The following GLI2 variants were observed in gnomAD, a reference collection of about 807,000 sequenced individuals.
The protein encoded by GLI2 is transcription activator GLI2.
GLI2 carries 22 observed loss-of-function variants against 78.9 expected under a neutral mutation model. The ratio of observed to expected loss-of-function variants is 0.28; its 90% confidence interval spans 0.20 to 0.40. GLI2 has a LOEUF of 0.40. Ranked by LOEUF, GLI2 falls within the 10% of genes least tolerant of loss-of-function variation. The probability of loss-of-function intolerance (pLI) is 1.00; values close to 1 mark genes in which losing one functional copy is unlikely to be tolerated. For missense variants in GLI2, 2,097 were observed against 2,213.2 expected, an observed-to-expected ratio of 0.95 and a Z score of 1.05; for synonymous variants, 974 against 963.7, an observed-to-expected ratio of 1.01 and a Z score of -0.20.
At chr2:120,818,022 G>A (rs1685582986) in intron 2 of GLI2, among the ~76,000 whole-genome samples, 2 of 152,194 alleles carry the variant, frequency 1.3e-5, no homozygotes, top group African/African-American at 4.8e-5. Context: ...ATGGGATCCT[G>A]TTTCTAAACC....
Position 120,778,503 on chromosome 2 carries a change from C to G in GLI2, c.-30-18788C>G, listed in dbSNP as rs184069364. 6.3e-4 allele frequency among the ~76,000 whole-genome samples: 96 copies of G among 152,242 alleles called. No individual in the cohort carries two copies. In the East Asian group the frequency reaches 0.015, roughly 25 times the overall value. ...GGTGATGTGGCGCAGGACTGTGTGG[C>G]GGGGCGTGTGAACGGTGAGGGCAGG... On this transcript the variant is annotated intron_variant, in intron 1 of 13. Transcript: ENST00000361492.
intron 6 of GLI2, 21 bp from the exon 7 acceptor site, chr2:120,970,372 C>T (rs1265384774): frequency 1.4e-6 from 2 of 1,468,840 alleles, no homozygotes; most frequent in South Asian, 2.3e-5. Flanking sequence ...CCCCCACTTC[C>T]TTGTCTGCTC....
chr2:120,747,665 A>G (rs1285380251), intron 1 of GLI2, among the ~76,000 whole-genome samples: 2 of 152,230 alleles, frequency 1.3e-5, no homozygotes, highest in Non-Finnish European at 2.9e-5. Flanking sequence ...GCAGCCCATG[A>G]CAAAGAATTT....
chr2:120,824,322 C>T (rs1558817410), intron 2 of GLI2, among the ~76,000 whole-genome samples: 1 of 152,222 alleles, frequency 6.6e-6, no homozygotes, highest in East Asian at 1.9e-4. Context: ...TTGACTGTTA[C>T]GAGTTTGCCC....
intron 3 of GLI2, among the ~76,000 whole-genome samples, chr2:120,944,520 C>G (rs1200726922): frequency 2.0e-5 from 3 of 152,228 alleles, no homozygotes; most frequent in African/African-American, 7.2e-5. Flanking sequence ...GTGGCCCCCT[C>G]AGTCTGCACT....
chr2:120,928,726 C>A lies in GLI2; in HGVS notation c.254+1260C>A, dbSNP rs573522433. On this transcript the variant is annotated intron_variant, in intron 3 of 13. Transcript: ENST00000361492. ...ATTGCCTCCCCAAGACGGAGCAAAC[C>A]TGGGACTTCTACTTTCTTTTTAAAA... Among the ~76,000 whole-genome samples the A allele has an allele frequency of 2.6e-5, 4 of 152,358 alleles. No homozygotes were observed. The South Asian group carries it at 8.3e-4, about 32-fold the overall frequency.
chr2:120,870,188 C>G (rs1325633363), intron 2 of GLI2, among the ~76,000 whole-genome samples: 11 of 152,160 alleles, frequency 7.2e-5, no homozygotes, highest in Admixed American at 6.5e-4. Context: ...CAGAACTTTT[C>G]TTTCCTCCTG....
chr2:120,848,298 G>A (rs1687222046), intron 2 of GLI2, among the ~76,000 whole-genome samples: 1 of 152,160 alleles, frequency 6.6e-6, no homozygotes. Flanking sequence ...CTAGAACGTG[G>A]GGCTCCTCCA....
chr2:120,889,095 A>G (rs1184479887), intron 2 of GLI2, among the ~76,000 whole-genome samples: 1 of 152,172 alleles, frequency 6.6e-6, no homozygotes, highest in Non-Finnish European at 1.5e-5. Context: ...AACAGAACGC[A>G]TCTTTATCTG....
intron 3 of GLI2, among the ~76,000 whole-genome samples, chr2:120,943,946 C>T (rs567581360): frequency 3.9e-5 from 6 of 152,312 alleles, no homozygotes; most frequent in Admixed American, 6.5e-5. Context: ...CTTGCCCCCA[C>T]ACCTTGGCTC....
At chr2:120,978,316 C>G in intron 9 of GLI2, 118 bp from the exon 10 acceptor site, 2 of 1,055,360 alleles carry the variant, frequency 1.9e-6, no homozygotes, top group Non-Finnish European at 3.0e-6. Context: ...GGTGGATGGT[C>G]TGCACACAGG....
chr2:120,776,021 A>G (rs187367122), intron 1 of GLI2, among the ~76,000 whole-genome samples: 30 of 152,298 alleles, frequency 2.0e-4, no homozygotes, highest in African/African-American at 6.3e-4. Flanking sequence ...AGGGGCTGGG[A>G]TGGTCCCATC....
At chr2:120,811,921 G>A (rs1463296575) in intron 2 of GLI2, among the ~76,000 whole-genome samples, 1 of 151,954 alleles carries the variant, frequency 6.6e-6, no homozygotes. Flanking sequence ...GCCGGGCAGT[G>A]TAGTCCCTGG....
chr2:120,888,630 T>C (rs536641645), intron 2 of GLI2, among the ~76,000 whole-genome samples: 1 of 151,972 alleles, frequency 6.6e-6, no homozygotes, highest in East Asian at 1.9e-4. Context: ...GGGGAGATTG[T>C]TGAGTTTTTT....
intron 10 of GLI2, among the ~76,000 whole-genome samples, chr2:120,981,028 G>A (rs557745917): frequency 2.3e-4 from 35 of 152,044 alleles, no homozygotes; most frequent in Non-Finnish European, 3.5e-4. Flanking sequence ...TTACAGGCAC[G>A]CACCACACGC....
At chr2:120,855,082 C>T (rs1323556747) in intron 2 of GLI2, among the ~76,000 whole-genome samples, 1 of 152,172 alleles carries the variant, frequency 6.6e-6, no homozygotes, top group African/African-American at 2.4e-5. Flanking sequence ...TTTATTTGGG[C>T]AGGAATAATA....
At chr2:120,856,180 A>G (rs1479364863) in intron 2 of GLI2, among the ~76,000 whole-genome samples, 1 of 151,988 alleles carries the variant, frequency 6.6e-6, no homozygotes, top group African/African-American at 2.4e-5. Flanking sequence ...ATTTTCCAAC[A>G]CCTCAGGCTG....
At chr2:120,819,334 G>A (rs1048474240) in intron 2 of GLI2, among the ~76,000 whole-genome samples, 3 of 145,932 alleles carry the variant, frequency 2.1e-5, no homozygotes, top group African/African-American at 7.7e-5. Context: ...CCGCCTCCCA[G>A]GTTCAGGCAA....
chr2:120,760,091 C>T (rs1573350526), intron 1 of GLI2, among the ~76,000 whole-genome samples: 1 of 152,362 alleles, frequency 6.6e-6, no homozygotes, highest in East Asian at 1.9e-4. Context: ...CCCCGGCCTC[C>T]CTCCCTGCAG....
Sources: gnomAD v4.1 joint callset for allele counts (sites outside exome capture counted in the v4.1 genomes callset) on GRCh38, gnomAD v4.1.1 for gene constraint, MANE v1.5 for transcripts, NCBI Gene and HGNC (gene_info 2026-07-23, HGNC 2026-07-21) for gene names.